MAX: variants seen among roughly 807,000 people sequenced by gnomAD.
The protein encoded by MAX is MYC associated transcriptional regulator X, also known as protein max.
A neutral mutation model predicts 22.3 loss-of-function variants in MAX; 3 were observed. The ratio of observed to expected loss-of-function variants is 0.13; its 90% CI spans 0.06 to 0.35. The LOEUF (loss-of-function observed/expected upper bound fraction) is 0.35, where lower values mean the gene tolerates loss of function less well. Ranked by LOEUF, MAX falls within the 10% of genes least tolerant of loss-of-function variation. MAX has a pLI of 1.00. For missense variants in MAX, 119 were observed against 209.4 expected (o/e 0.57, Z 2.66); for synonymous variants, 72 against 77.7 (o/e 0.93, Z 0.39).
chr14:65,085,926 T>C (rs1235171096), intron 3 of MAX, among the ~76,000 whole-genome samples: 1 of 152,166 alleles, frequency 6.6e-6, no homozygotes, highest in Non-Finnish European at 1.5e-5. Flanking sequence ...TACCCAAATC[T>C]CATCTTGAAT....
rs2062047329 is a variant in MAX at position 65,029,902 on chromosome 14, A to G, written c.172-23618T>C. On this transcript the variant is annotated intron_variant, in intron 3 of 3. Transcript: ENST00000341653. This position sits in a 1 kb window ranked among gnomAD's most constrained non-coding sequence, Gnocchi z 4.7. ...TCTGGTTTCAGGGCTGGAGGGAGAG[A>G]GAGCAGGAAGACTGATCCAGGTTGA... Among the ~76,000 whole-genome samples the G allele has an allele frequency of 6.6e-6, 1 of 152,196 alleles. No homozygotes were observed. Among genetic ancestry groups the G allele is most frequent in the Non-Finnish European group, 1.5e-5 (1 of 68,042 alleles).
At chr14:65,102,577 C>T (rs2063884650), upstream of MAX, 5 of 1,433,890 alleles carry the variant, frequency 3.5e-6, no homozygotes, top group Admixed American at 5.3e-5. Flanking sequence ...TGACCAGGCT[C>T]GCAGCGCTGG....
At chr14:65,035,572 C>T (rs2062169353) in intron 3 of MAX, among the ~76,000 whole-genome samples, 1 of 152,072 alleles carries the variant, frequency 6.6e-6, no homozygotes. Flanking sequence ...CTCTGTTGCA[C>T]GAGCTGGAGT....
intron 3 of MAX, chr14:65,015,497 T>A (rs532827840): frequency 1.6e-6 from 1 of 642,012 alleles, no homozygotes; most frequent in East Asian, 3.0e-5. Flanking sequence ...ATTCACTGAT[T>A]GTTGTTTGAG....
intron 3 of MAX, among the ~76,000 whole-genome samples, chr14:65,033,527 T>C (rs1448023663): frequency 6.6e-6 from 1 of 152,200 alleles, no homozygotes; most frequent in Non-Finnish European, 1.5e-5. Context: ...ATATTTTGTT[T>C]GCTGTACTTT....
In MAX at chr14:65,069,303, G is replaced by A. The variant is rs1312001154; in HGVS notation, c.171+24405C>T. ...ATGGGGAGCCCAAGGCTGGGCTCTTGTGGGCAGGACAGAAGGAGAGCCCAT... is the reference window on the plus strand; with the variant it reads ...ATGGGGAGCCCAAGGCTGGGCTCTTATGGGCAGGACAGAAGGAGAGCCCAT... On this transcript the variant is annotated intron_variant, in intron 3 of 3. Coordinates refer to the MAX transcript ENST00000341653. This position sits in a 1 kb window ranked among gnomAD's most constrained non-coding sequence, Gnocchi z 4.6. Among the ~76,000 whole-genome samples, 1 of 152,062 alleles carries A rather than the reference G, an allele frequency of 6.6e-6. No individual in the cohort carries two copies. Among genetic ancestry groups the A allele is most frequent in the Admixed American group, 6.5e-5 (1 of 15,272 alleles).
intron 3 of MAX, among the ~76,000 whole-genome samples, chr14:65,021,789 G>T (rs1480038149): frequency 6.6e-6 from 1 of 152,196 alleles, no homozygotes; most frequent in Admixed American, 6.5e-5. Flanking sequence ...GGGACTACGG[G>T]CGCATGCCAC....
intron 3 of MAX, among the ~76,000 whole-genome samples, chr14:65,091,210 C>T (rs2063498990): frequency 6.6e-6 from 1 of 152,136 alleles, no homozygotes; most frequent in African/African-American, 2.4e-5. Context: ...TCAAATACCA[C>T]ACTTAAAAAA....
At chr14:65,013,774 C>G (rs1048219491) in intron 3 of MAX, among the ~76,000 whole-genome samples, 3 of 152,196 alleles carry the variant, frequency 2.0e-5, no homozygotes, top group African/African-American at 7.2e-5. Flanking sequence ...TCTCGAGCTC[C>G]TGACCTCAAG....
In MAX at chr14:65,009,862, T is replaced by C. The variant is rs1413625808; in HGVS notation, c.172-3578A>G. 6.6e-6 allele frequency among the ~76,000 whole-genome samples: 1 copy of C among 152,162 alleles called. No homozygotes were observed. The highest frequency in any genetic ancestry group is 1.5e-5 in the Non-Finnish European group (1 of 68,020). On this transcript the variant is annotated intron_variant, in intron 3 of 3. Coordinates refer to the MAX transcript ENST00000341653. The surrounding 1 kb of genome is among the most constrained non-coding windows in gnomAD (Gnocchi z 4.2). ...TTCCCGTGGCTGATCACAGCGTTTA[T>C]TGGACAGGGCTCTGCTTGTCATTTT...
At position 65,030,307 on chromosome 14, in the gene MAX, C is replaced by A. The variant is rs1302655449; in HGVS notation, c.172-24023G>T. Among the ~76,000 whole-genome samples, 1 of 152,222 alleles carries A rather than the reference C, an allele frequency of 6.6e-6. No homozygotes were observed. Among genetic ancestry groups the A allele is most frequent in the African/African-American group, 2.4e-5 (1 of 41,462 alleles). ...TGTGACTCTTGTGTGCTCCCAATGC[C>A]TGCTGGTGGAACTAAACTTCCACTG... On this transcript the variant is annotated intron_variant, in intron 3 of 3. Transcript: ENST00000341653. This position sits in a 1 kb window ranked among gnomAD's most constrained non-coding sequence, Gnocchi z 4.5.
chr14:65,022,838 G>A (rs891821339), intron 3 of MAX, among the ~76,000 whole-genome samples: 1 of 152,042 alleles, frequency 6.6e-6, no homozygotes, highest in Non-Finnish European at 1.5e-5. Flanking sequence ...CTTATTACTG[G>A]TCTTTTCCTG....
intron 3 of MAX, among the ~76,000 whole-genome samples, chr14:65,068,833 A>G (rs116893446): frequency 0.011 from 1,618 of 152,184 alleles, 11 homozygotes; most frequent in South Asian, 0.017. Context: ...CAGTCTTTCC[A>G]TAAGTATTGC....
At chr14:65,095,860 GCAAATCT>G (rs1453689640) in intron 2 of MAX, among the ~76,000 whole-genome samples, 2 of 152,198 alleles carry the variant, frequency 1.3e-5, no homozygotes, top group Non-Finnish European at 2.9e-5. Context: ...GGAGAGCCCT[GCAAATCT>G]CAAACAGCTA....
chr14:65,082,321 C>G lies in MAX; in HGVS notation c.172-4285G>C, dbSNP rs533732998. The G allele has an allele frequency of 2.6e-5, 4 of 152,276 alleles. No individual in the cohort carries two copies. The Middle Eastern group carries it at 0.01, about 388-fold the overall frequency. The allele number at this position is 152,276 out of a possible 1,614,324, so 9.4% of individuals were successfully genotyped here. On this transcript the variant is annotated intron_variant, in intron 3 of 4. Transcript: ENST00000358664. The surrounding 1 kb of genome is among the most constrained non-coding windows in gnomAD (Gnocchi z 4.8). ...AAGTCACCTGATTTGCCTACAAGGA[C>G]GTCAAATGGAAGACCCTAGTGAAGG... is the stretch of plus-strand genomic sequence containing the variant.
intron 2 of MAX, among the ~76,000 whole-genome samples, chr14:65,097,837 G>A (rs1361431332): frequency 6.6e-6 from 1 of 152,096 alleles, no homozygotes; most frequent in Non-Finnish European, 1.5e-5. Context: ...AGGTAGGATG[G>A]GATAAACTCA....
Position 65,011,416 on chromosome 14 carries a change from G to T in MAX, c.172-5132C>A, listed in dbSNP as rs547344903. Among the ~76,000 whole-genome samples, 2 of 137,390 alleles carry T rather than the reference G, an allele frequency of 1.5e-5. No individual in the cohort carries two copies. The highest frequency in any genetic ancestry group is 2.3e-4 in the East Asian group (1 of 4,298). 90.1% of individuals were successfully genotyped at this position (137,390 alleles called of 152,430 possible). On this transcript the variant is annotated intron_variant, in intron 3 of 3. Coordinates refer to the MAX transcript ENST00000341653. The surrounding 1 kb of genome is among the most constrained non-coding windows in gnomAD (Gnocchi z 4.0). ...TGCACTCCAGCCTGGGTGACAGAGC[G>T]AGACTCCGTCTCAGGAAAAAAAAAA...
At chr14:65,083,832 C>A in intron 3 of MAX, 1 of 1,171,604 alleles carries the variant, frequency 8.5e-7, no homozygotes, top group East Asian at 3.8e-5. Context: ...AGCTTTTACA[C>A]ATATGAAGGT....
In MAX at chr14:65,075,544, A is replaced by C; in HGVS notation, c.*932T>G. 1 of 1,065,870 alleles carries C rather than the reference A, an allele frequency of 9.4e-7. No homozygotes were observed. Among genetic ancestry groups the C allele is most frequent in the East Asian group, 5.0e-5 (1 of 20,074 alleles). 66.0% of individuals were successfully genotyped at this position (1,065,870 alleles called of 1,614,324 possible). A position where few individuals can be genotyped will look rare whatever the true frequency, so the allele number is the denominator to read the frequency against. ...CTTAGAAATACACACGGGAAGAAAG[A>C]AAGATTTCATCATTACTTTATGAAT... On this transcript the variant is annotated 3_prime_UTR_variant, in exon 5 of 5. Transcript: ENST00000358664. The surrounding 1 kb of genome is among the most constrained non-coding windows in gnomAD (Gnocchi z 4.1).
Sources: allele counts gnomAD v4.1 joint callset (sites outside exome capture counted in the v4.1 genomes callset), GRCh38; gene constraint gnomAD v4.1.1; non-coding constraint Gnocchi (gnomAD v3.1); transcripts MANE v1.5; gene names NCBI Gene and HGNC (gene_info 2026-07-23, HGNC 2026-07-21).